SPINK2: variants seen among roughly 807,000 people sequenced by gnomAD.
SPINK2 encodes serine protease inhibitor Kazal-type 2.
In SPINK2, 8 loss-of-function variants were observed where a neutral mutation model predicts 13.5. The observed-to-expected ratio is 0.59, with a 90% confidence interval of 0.35 to 1.07. The LOEUF is 1.07. Among genes scored for constraint, SPINK2 ranks in the 50% least tolerant of loss-of-function variants. The pLI is 0.02. For synonymous variants in SPINK2, 76 were observed against 74.7 expected, an observed-to-expected ratio of 1.02 and a Z score of -0.09; for missense variants, 148 against 180.3, an observed-to-expected ratio of 0.82 and a Z score of 1.03.
At chr4:56,820,509 A>T in intron 2 of SPINK2, 27 bp downstream of exon 2, 1 of 1,592,134 alleles carries the variant, frequency 6.3e-7, no homozygotes, top group Non-Finnish European at 8.6e-7. Context: ...GTATTAGTAG[A>T]AACAGTAGAA....
At chr4:56,814,338 A>T (rs1717249742) in intron 2 of SPINK2, among the ~76,000 whole-genome samples, 1 of 151,998 alleles carries the variant, frequency 6.6e-6, no homozygotes, top group African/African-American at 2.4e-5. Context: ...CCTGGTCCCA[A>T]AAAGGCTGGG....
intron 2 of SPINK2, 40 bp from the exon 3 acceptor site, chr4:56,811,834 A>T (rs779827838): frequency 8.0e-7 from 1 of 1,243,760 alleles, no homozygotes; most frequent in East Asian, 2.4e-5. Flanking sequence ...ATGACTTGAG[A>T]CACACTCATA....
intron 2 of SPINK2, among the ~76,000 whole-genome samples, chr4:56,812,609 A>G (rs978197539): frequency 6.6e-6 from 1 of 150,706 alleles, no homozygotes; most frequent in African/African-American, 2.4e-5. Flanking sequence ...AGAGGCTTCA[A>G]TCTGGCTGAT....
intron 2 of SPINK2, among the ~76,000 whole-genome samples, chr4:56,819,665 G>C (rs1560417911): frequency 6.7e-6 from 1 of 150,292 alleles, no homozygotes; most frequent in Non-Finnish European, 1.5e-5. Context: ...GTCTGGGCTG[G>C]AGTGCAGTGG....
intron 2 of SPINK2, among the ~76,000 whole-genome samples, chr4:56,815,122 C>T (rs1717330586): frequency 6.6e-6 from 1 of 151,782 alleles, no homozygotes; most frequent in South Asian, 2.1e-4. Context: ...AAACACAGCA[C>T]TCAACGAACC....
At chr4:56,817,306 T>C (rs189381674) in intron 2 of SPINK2, among the ~76,000 whole-genome samples, 146 of 152,278 alleles carry the variant, frequency 9.6e-4, no homozygotes, top group African/African-American at 3.5e-3. Context: ...CCTAAATACA[T>C]AGAAAGACAT....
At chr4:56,821,727 C>T, upstream of SPINK2, 3 of 1,345,710 alleles carry the variant, frequency 2.2e-6, no homozygotes, top group Middle Eastern at 2.7e-4. Context: ...AGGGAGCGCT[C>T]GTGCGACGGG....
rs1560419692 is a variant in SPINK2, at chr4:56,821,686, G to GC, written c.-25dup. 1.3e-6 allele frequency: 2 copies of GC among 1,495,022 alleles called. No individual in the cohort carries two copies. The highest frequency in any genetic ancestry group is 5.5e-5 in the East Asian group (2 of 36,644). 92.6% of individuals were successfully genotyped at this position (1,495,022 alleles called of 1,614,324 possible). A position where few individuals can be genotyped will look rare whatever the true frequency, so the allele number is the denominator to read the frequency against. On this transcript the variant is annotated 5_prime_UTR_variant, in exon 1 of 4. Coordinates refer to ENST00000506738, the MANE Select transcript of SPINK2 (RefSeq NM_001271718.2). ...ATCCTCCTCCCGCGCCGGCTGTCTT[G>GC]CCCCTGCGGTCTGTTACCTGCGCCA... is the stretch of plus-strand genomic sequence containing the variant.
chr4:56,821,346 C>T lies in SPINK2; in HGVS notation c.205+112G>A, dbSNP rs530213052. Reference sequence around the variant, plus strand: ...TGAAAATCTACTTTAACAGAGAAAGCGCTCTAGATGGCAGGTGTCCTTAGA... The same window carrying T: ...TGAAAATCTACTTTAACAGAGAAAGTGCTCTAGATGGCAGGTGTCCTTAGA... On this transcript the variant is annotated intron_variant, in intron 1 of 3. Coordinates refer to ENST00000506738, the MANE Select transcript of SPINK2 (RefSeq NM_001271718.2). 5 of 1,400,150 alleles carry T rather than the reference C, an allele frequency of 3.6e-6. No homozygotes were observed. In the African/African-American group the frequency reaches 7.5e-5, roughly 21 times the overall value. 86.7% of individuals were successfully genotyped at this position (1,400,150 alleles called of 1,614,324 possible).
At chr4:56,821,814 G>T, upstream of SPINK2, 2 of 813,962 alleles carry the variant, frequency 2.5e-6, no homozygotes, top group Non-Finnish European at 3.6e-6. Context: ...AAGAGGGGCG[G>T]CGGGAAGAGG....
chr4:56,810,364 T>C, intron 3 of SPINK2, 180 bp from the exon 4 acceptor site: 1 of 612,804 alleles, frequency 1.6e-6, no homozygotes. Context: ...CCCCACTCTG[T>C]CATTTTTTTC....
chr4:56,815,251 T>TAAAG (rs138566902), intron 2 of SPINK2, among the ~76,000 whole-genome samples: 10,041 of 152,154 alleles, frequency 0.066, 582 homozygotes, highest in South Asian at 0.29. Flanking sequence ...TACTCAATGG[T>TAAAG]AAAGGACTCA....
rs17087174 is a variant in SPINK2 at position 56,811,847 on chromosome 4, A to G, written c.250-53T>C. ...GAATGACTTGAGACACACTCATATA[A>G]AATAGTTCAGAGGAGAAAATGTCCC... On this transcript the variant is annotated intron_variant, in intron 2 of 3. Transcript: ENST00000506738. 1.9e-3 allele frequency: 2,008 copies of G among 1,047,842 alleles called. 29 individuals carry two copies. In the African/African-American group the frequency reaches 0.022, roughly 11 times the overall value. 64.9% of individuals were successfully genotyped at this position (1,047,842 alleles called of 1,614,324 possible).
chr4:56,809,892 T>C lies in SPINK2; in HGVS notation c.*247A>G. On this transcript the variant is annotated 3_prime_UTR_variant, in exon 4 of 4. Coordinates refer to ENST00000506738, the MANE Select transcript of SPINK2 (RefSeq NM_001271718.2). ...CAATGCTGATTTTATTTCAACTAAA[T>C]AAAGCAATGCACAAGTCACCTGGGC... 1 of 912,350 alleles carries C rather than the reference T, an allele frequency of 1.1e-6. No homozygotes were observed. Among genetic ancestry groups the C allele is most frequent in the Non-Finnish European group, 1.6e-6 (1 of 638,354 alleles). 56.5% of individuals were successfully genotyped at this position (912,350 alleles called of 1,614,324 possible).
At chr4:56,813,622 T>C (rs1340051266) in intron 2 of SPINK2, among the ~76,000 whole-genome samples, 2 of 145,258 alleles carry the variant, frequency 1.4e-5, no homozygotes, top group African/African-American at 2.6e-5. Context: ...TTATGAGACT[T>C]TTTTTTTTTT....
chr4:56,813,620 CT>C (rs112363076), intron 2 of SPINK2, among the ~76,000 whole-genome samples: 1,540 of 141,984 alleles, frequency 0.011, 17 homozygotes, highest in African/African-American at 0.03. Flanking sequence ...CCTTATGAGA[CT>C]TTTTTTTTTT....
chr4:56,812,872 A>G (rs1466559944), intron 2 of SPINK2, among the ~76,000 whole-genome samples: 1 of 152,198 alleles, frequency 6.6e-6, no homozygotes, highest in Non-Finnish European at 1.5e-5. Flanking sequence ...AAAATGTTCA[A>G]AACAGGTTCA....
At chr4:56,818,166 A>C (rs969847387) in intron 2 of SPINK2, 4 of 152,206 alleles carry the variant, frequency 2.6e-5, no homozygotes, top group Non-Finnish European at 5.9e-5. Context: ...GTGGCAATGG[A>C]AATAAGGAAG....
intron 2 of SPINK2, chr4:56,818,377 G>A (rs1348130526): frequency 2.0e-5 from 3 of 152,152 alleles, no homozygotes; most frequent in East Asian, 3.9e-4. Context: ...AGCAGGTCCA[G>A]GCCGGGAGCG....
Sources: gnomAD v4.1 joint callset for allele counts (sites outside exome capture counted in the v4.1 genomes callset) on GRCh38, gnomAD v4.1.1 for gene constraint, MANE v1.5 for transcripts, NCBI Gene and HGNC (gene_info 2026-07-23, HGNC 2026-07-21) for gene names.